The following CCDC39 variants were observed in gnomAD, a reference collection of about 807,000 sequenced individuals.
The protein encoded by CCDC39 is coiled-coil domain 39 molecular ruler complex subunit.
Under a neutral mutation model 121.0 loss-of-function variants are expected in CCDC39, and 113 were observed. That is an observed-to-expected ratio of 0.93 (90% CI 0.80 to 1.09). CCDC39 has a LOEUF of 1.09. Ranked by LOEUF, CCDC39 falls within the 50% of genes least tolerant of loss-of-function variation. The pLI is 0.00. For synonymous variants in CCDC39, 349 were observed against 352.2 expected (o/e 0.99, Z 0.10); for missense variants, 1,063 against 1,074.7 (o/e 0.99, Z 0.15).
intron 14 of CCDC39, among the ~76,000 whole-genome samples, chr3:180,626,741 T>C (rs989691509): frequency 2.6e-5 from 4 of 151,902 alleles, no homozygotes; most frequent in Non-Finnish European, 4.4e-5. Context: ...TAACAAGTTG[T>C]GAGGAGTGCA....
chr3:180,636,525 T>C (rs1332749884), intron 13 of CCDC39, among the ~76,000 whole-genome samples: 1 of 152,206 alleles, frequency 6.6e-6, no homozygotes, highest in Non-Finnish European at 1.5e-5. Flanking sequence ...AATTTACAGA[T>C]TCAATGTTAT....
chr3:180,641,941 T>C (rs776711552), intron 13 of CCDC39, 52 bp downstream of exon 13: 20 of 1,342,320 alleles, frequency 1.5e-5, no homozygotes, highest in South Asian at 6.1e-5. Flanking sequence ...CTAGTTCTCC[T>C]GACATCATCC....
chr3:180,647,069 G>T lies in CCDC39; in HGVS notation c.1527+10C>A, dbSNP rs2108421309. ...TATTTGAAATATAAAATGTATTTTG[G>T]CTAAGTTACATGAAGCTTCTTGATC... On this transcript the variant is annotated intron_variant, in intron 11 of 19. Transcript: ENST00000476379. The T allele has an allele frequency of 6.3e-7, 1 of 1,599,832 alleles. No individual in the cohort carries two copies. Among genetic ancestry groups the T allele is most frequent in the East Asian group, 2.2e-5 (1 of 44,678 alleles).
Position 180,679,482 on chromosome 3 carries a change from C to G in CCDC39, c.-102G>C. Reference sequence around the variant, plus strand: ...CCCAGGCACCTGCACAGTGCCGCGGCAATTGCCGGGGGAGCCCTAGCAACC... The same window carrying G: ...CCCAGGCACCTGCACAGTGCCGCGGGAATTGCCGGGGGAGCCCTAGCAACC... On this transcript the variant is annotated 5_prime_UTR_variant, in exon 1 of 20. Transcript: ENST00000476379. This position sits in a 1 kb window ranked among gnomAD's most constrained non-coding sequence, Gnocchi z 4.0. 8.9e-7 allele frequency: 1 copy of G among 1,120,110 alleles called. No homozygotes were observed. The highest frequency in any genetic ancestry group is 1.4e-6 in the Non-Finnish European group (1 of 730,720). The allele number at this position is 1,120,110 out of a possible 1,614,324, so 69.4% of individuals were successfully genotyped here.
intron 6 of CCDC39, among the ~76,000 whole-genome samples, chr3:180,658,395 A>C (rs900942602): frequency 1.4e-4 from 21 of 151,870 alleles, no homozygotes; most frequent in Admixed American, 9.2e-4. Flanking sequence ...GGAGATCGAG[A>C]CCATCCTGGC....
At chr3:180,657,672 T>A (rs1419924558) in intron 6 of CCDC39, among the ~76,000 whole-genome samples, 2 of 152,216 alleles carry the variant, frequency 1.3e-5, no homozygotes, top group Admixed American at 1.3e-4. Context: ...ACCCTGCAGC[T>A]CAACAATGTA....
chr3:180,622,216 A>G (rs1717447561), intron 14 of CCDC39, among the ~76,000 whole-genome samples: 1 of 152,018 alleles, frequency 6.6e-6, no homozygotes, highest in Non-Finnish European at 1.5e-5. Context: ...TCTCAGCTAT[A>G]TCATTATTAG....
chr3:180,675,039 A>C (rs1712153626), intron 1 of CCDC39, among the ~76,000 whole-genome samples: 1 of 152,228 alleles, frequency 6.6e-6, no homozygotes, highest in Admixed American at 6.5e-5. Context: ...TGATTGGAAT[A>C]GTTTCAGAAG....
intron 1 of CCDC39, among the ~76,000 whole-genome samples, chr3:180,677,190 AT>A (rs1269624810): frequency 1.0e-5 from 1 of 99,056 alleles, no homozygotes; most frequent in Non-Finnish European, 2.1e-5. Flanking sequence ...ATATATATAT[AT>A]ATATATATAT....
intron 10 of CCDC39, 23 bp from the exon 11 acceptor site, chr3:180,647,266 A>AG: frequency 1.3e-6 from 2 of 1,510,204 alleles, no homozygotes; most frequent in Non-Finnish European, 8.9e-7. Context: ...AAAAAAAAAA[A>AG]GGTATTACAA....
rs1337214012 is a variant in CCDC39, at chr3:180,659,382, T to A, written c.738+70A>T. 3.8e-6 allele frequency: 6 copies of A among 1,561,018 alleles called. No individual in the cohort carries two copies. The Admixed American group carries it at 9.4e-5, about 24-fold the overall frequency. On this transcript the variant is annotated intron_variant, in intron 6 of 19. Coordinates refer to ENST00000476379, the MANE Select transcript of CCDC39 (RefSeq NM_181426.2). ...TTCAAATAACAATGTGATTTACATT[T>A]GGAATAATGAGTTAAATACAAAAGA...
chr3:180,650,696 A>C (rs1718179834), intron 9 of CCDC39, among the ~76,000 whole-genome samples: 1 of 151,666 alleles, frequency 6.6e-6, no homozygotes, highest in South Asian at 2.1e-4. Context: ...ATCTCTACTA[A>C]AAATACAAAA....
intron 14 of CCDC39, among the ~76,000 whole-genome samples, chr3:180,628,873 T>C (rs779030215): frequency 6.6e-6 from 1 of 152,122 alleles, no homozygotes; most frequent in Non-Finnish European, 1.5e-5. Flanking sequence ...AAACATAATA[T>C]ATGTATCCAT....
chr3:180,671,579 T>C (rs959959877), intron 1 of CCDC39, among the ~76,000 whole-genome samples: 10 of 152,292 alleles, frequency 6.6e-5, no homozygotes, highest in Middle Eastern at 6.8e-3. Context: ...GTGGTCCAGA[T>C]AGAGGATTAA....
At chr3:180,620,630 A>G (rs1717408542) in intron 14 of CCDC39, among the ~76,000 whole-genome samples, 1 of 152,014 alleles carries the variant, frequency 6.6e-6, no homozygotes. Flanking sequence ...TAGTATGCAT[A>G]TATATACATA....
intron 1 of CCDC39, among the ~76,000 whole-genome samples, chr3:180,677,169 TATATATATATATATATATATATATA>T (rs1302647197): frequency 8.8e-4 from 4 of 4,552 alleles, no homozygotes; most frequent in African/African-American, 2.9e-3. Context: ...ATAATAATTT[TATATATATATATATATATATATATA>T]TATATATATA....
chr3:180,616,338 C>T lies in CCDC39; in HGVS notation c.2612G>A (p.Ser871Asn). ...AGAGCTCTGACGACTGCCTTTTGTG[C>T]TAGCTGTAGGTAGTTCTAACCCACT... is the stretch of plus-strand genomic sequence containing the variant. ...QQSGLELPTA[S>N]TKGSRQSSRS... The change falls in exon 19 of 20, where the codon AGC becomes AAC. Residue 871 changes from serine to asparagine, a missense_variant. By Grantham distance (46) the Ser-to-Asn change is conservative. Transcript: ENST00000476379. 1 of 1,613,080 alleles carries T rather than the reference C, an allele frequency of 6.2e-7. No homozygotes were observed. The highest frequency in any genetic ancestry group is 8.5e-7 in the Non-Finnish European group (1 of 1,179,320).
chr3:180,638,374 A>G (rs1019738027), intron 13 of CCDC39, among the ~76,000 whole-genome samples: 1 of 152,188 alleles, frequency 6.6e-6, no homozygotes, highest in Admixed American at 6.5e-5. Context: ...TAAACATGCA[A>G]GGACTGCAAA....
At chr3:180,673,942 A>G (rs1462147705) in intron 1 of CCDC39, among the ~76,000 whole-genome samples, 3 of 151,648 alleles carry the variant, frequency 2.0e-5, no homozygotes, top group Non-Finnish European at 1.5e-5. Flanking sequence ...AATTAAAATG[A>G]CAGTACTTGG....
Sources: allele counts gnomAD v4.1 joint callset (sites outside exome capture counted in the v4.1 genomes callset), GRCh38; gene constraint gnomAD v4.1.1; non-coding constraint Gnocchi (gnomAD v3.1); transcripts MANE v1.5; gene names NCBI Gene and HGNC (gene_info 2026-07-23, HGNC 2026-07-21).